NOL7: variants seen among roughly 807,000 people sequenced by gnomAD.
NOL7 encodes the protein U3 small nucleolar RNA-associated protein NOL7.
Under a neutral mutation model 38.4 loss-of-function variants are expected in NOL7, and 36 were observed. The ratio of observed to expected loss-of-function variants is 0.94; its 90% CI spans 0.72 to 1.24. NOL7 has a LOEUF of 1.24. Ranked by LOEUF, NOL7 falls within the 50% of genes most tolerant of loss-of-function variation. The pLI is 0.00. For synonymous variants in NOL7, 142 were observed against 126.5 expected (o/e 1.12, Z -0.82); for missense variants, 350 against 315.1 (o/e 1.11, Z -0.84).
At position 13,615,523 on chromosome 6, in the gene NOL7, G is replaced by A. The variant is rs1201986550; in HGVS notation, c.165G>A (p.Gly55=). The A allele has an allele frequency of 6.4e-7, 1 of 1,556,370 alleles. No homozygotes were observed. The highest frequency in any genetic ancestry group is 8.7e-7 in the Non-Finnish European group (1 of 1,149,696). The stretch of plus-strand genomic sequence containing the variant: ...AGCCCCTGGAGGAAGACGAGGAAGG[G>A]GACGATGAGTTTGACGATGAGGCCC... The part of the protein sequence containing the change: ...AAEPLEEDEE[G]DDEFDDEAPE... The change falls in exon 1 of 8, where the codon GGG becomes GGA. Residue 55 remains glycine (G), a synonymous_variant. Coordinates refer to ENST00000451315, the MANE Select transcript of NOL7 (RefSeq NM_016167.5).
At chr6:13,629,538 A>G (rs1764716572) in intron 8 of NOL7, among the ~76,000 whole-genome samples, 1 of 152,182 alleles carries the variant, frequency 6.6e-6, no homozygotes, top group Non-Finnish European at 1.5e-5. Flanking sequence ...AATTGTACTC[A>G]TATTTGGTTT....
At chr6:13,623,775 T>G (rs1458814446), downstream of NOL7, among the ~76,000 whole-genome samples, 2 of 152,198 alleles carry the variant, frequency 1.3e-5, no homozygotes, top group East Asian at 3.8e-4. Context: ...GTCATTAATT[T>G]TACAGGAATC....
At chr6:13,628,400 G>T (rs1471811165) in intron 8 of NOL7, among the ~76,000 whole-genome samples, 6 of 152,168 alleles carry the variant, frequency 3.9e-5, no homozygotes, top group Admixed American at 1.3e-4. Context: ...CAGGCTGAGA[G>T]AAAGGAGAAA....
At chr6:13,622,309 C>T, downstream of NOL7, 1 of 1,418,218 alleles carries the variant, frequency 7.1e-7, no homozygotes, top group Non-Finnish European at 9.3e-7. Flanking sequence ...AGCTGGTCTA[C>T]TTCCATGTTG....
At chr6:13,615,884 G>A (rs1344312501) in intron 2 of NOL7, 112 bp downstream of exon 2, 2 of 1,096,022 alleles carry the variant, frequency 1.8e-6, no homozygotes, top group Non-Finnish European at 2.6e-6. Flanking sequence ...CAGTCACCAA[G>A]ATTGCCTCTG....
At chr6:13,625,439 A>C (rs945147609), downstream of NOL7, among the ~76,000 whole-genome samples, 5 of 152,140 alleles carry the variant, frequency 3.3e-5, no homozygotes, top group African/African-American at 1.2e-4. Context: ...AAACATCCCA[A>C]GTTGTACCCC....
chr6:13,617,912 G>T, intron 4 of NOL7, 111 bp downstream of exon 4: 1 of 1,127,274 alleles, frequency 8.9e-7, no homozygotes, highest in Non-Finnish European at 1.3e-6. Context: ...CCTGGCCAAG[G>T]TTAGCTGGGG....
intron 4 of NOL7, 83 bp from the exon 5 acceptor site, chr6:13,617,975 T>C: frequency 1.0e-6 from 1 of 973,716 alleles, no homozygotes; most frequent in Non-Finnish European, 1.6e-6. Context: ...TGGTGTGTAG[T>C]GGATGCTTAA....
downstream of NOL7, chr6:13,625,708 C>G (rs753001897): frequency 1.4e-5 from 22 of 1,613,488 alleles, no homozygotes; most frequent in Non-Finnish European, 1.6e-5. Flanking sequence ...TCGGGTCAAG[C>G]TGATTTCCAA....
intron 3 of NOL7, among the ~76,000 whole-genome samples, chr6:13,617,164 C>T (rs1214566461): frequency 1.3e-5 from 2 of 152,044 alleles, no homozygotes; most frequent in African/African-American, 4.8e-5. Context: ...ATACATTAAA[C>T]GTAAGAGCAA....
chr6:13,617,165 G>T (rs1323200114), intron 3 of NOL7, among the ~76,000 whole-genome samples: 1 of 151,950 alleles, frequency 6.6e-6, no homozygotes, highest in African/African-American at 2.4e-5. Context: ...TACATTAAAC[G>T]TAAGAGCAAA....
At chr6:13,620,182 A>G in intron 5 of NOL7, 26 bp from the exon 6 acceptor site, 1 of 1,588,078 alleles carries the variant, frequency 6.3e-7, no homozygotes, top group Non-Finnish European at 8.5e-7. Flanking sequence ...TGTAATTCTT[A>G]TTTAACCTTT....
At chr6:13,618,640 A>G (rs1764353076) in intron 5 of NOL7, among the ~76,000 whole-genome samples, 2 of 152,200 alleles carry the variant, frequency 1.3e-5, no homozygotes, top group South Asian at 4.1e-4. Context: ...TTGTAATCCC[A>G]GCGTTTTGGG....
intron 3 of NOL7, 39 bp downstream of exon 3, chr6:13,616,560 A>G (rs1562289765): frequency 7.3e-7 from 1 of 1,373,496 alleles, no homozygotes; most frequent in Non-Finnish European, 1.0e-6. Context: ...GCTTATATAC[A>G]CCCATCTTTG....
At chr6:13,631,321 CT>C (rs1764774672) in intron 8 of NOL7, among the ~76,000 whole-genome samples, 1 of 152,278 alleles carries the variant, frequency 6.6e-6, no homozygotes, top group East Asian at 1.9e-4. Flanking sequence ...TTGAGGTGCT[CT>C]ATAACACATC....
rs367832387 is a variant in NOL7, at chr6:13,617,806, G to C, written c.418+5G>C. The C allele has an allele frequency of 2.3e-4, 363 of 1,612,766 alleles. 4 individuals carry two copies. The East Asian group carries it at 6.4e-3, about 28-fold the overall frequency. ...CGCCAGGAAAGGTGAAAGAAGGTAT[G>C]ACTATTCTAATTTAACTAACTTCTC... On this transcript the variant is annotated splice_donor_5th_base_variant and intron_variant, in intron 4 of 7. Transcript: ENST00000451315.
At chr6:13,626,806 C>T (rs1262631846) in intron 8 of NOL7, among the ~76,000 whole-genome samples, 1 of 152,158 alleles carries the variant, frequency 6.6e-6, no homozygotes, top group African/African-American at 2.4e-5. Flanking sequence ...AGATTCCACA[C>T]CCATTTTCCA....
chr6:13,617,342 T>C (rs933035412), intron 3 of NOL7, among the ~76,000 whole-genome samples: 1 of 152,032 alleles, frequency 6.6e-6, no homozygotes, highest in African/African-American at 2.4e-5. Context: ...TCTCTCTCCA[T>C]TGGGCCACAG....
intron 7 of NOL7, 32 bp downstream of exon 7, chr6:13,620,517 T>G: frequency 6.4e-7 from 1 of 1,563,526 alleles, no homozygotes. Context: ...CTGTCTCTAA[T>G]AGCTTTATAT....
Sources: allele counts gnomAD v4.1 joint callset (sites outside exome capture counted in the v4.1 genomes callset), GRCh38; gene constraint gnomAD v4.1.1; transcripts MANE v1.5; gene names NCBI Gene and HGNC (gene_info 2026-07-23, HGNC 2026-07-21).